Variants in ADARB2 observed in about 807,000 individuals in gnomAD.
ADARB2 encodes the protein adenosine deaminase RNA specific B2 (inactive).
A neutral mutation model predicts 62.2 loss-of-function variants in ADARB2; 25 were observed. That is an observed-to-expected ratio of 0.40 (90% CI 0.29 to 0.56). The LOEUF (loss-of-function observed/expected upper bound fraction) is 0.56, where lower values mean the gene tolerates loss of function less well. Ranked by LOEUF, ADARB2 falls within the 20% of genes least tolerant of loss-of-function variation. ADARB2 has a pLI of 0.43. For missense variants in ADARB2, 1,071 were observed against 1,077.4 expected (o/e 0.99, Z 0.08); for synonymous variants, 572 against 500.8 (o/e 1.14, Z -1.90).
intron 1 of ADARB2, among the ~76,000 whole-genome samples, chr10:1,603,653 G>A (rs1425179086): frequency 4.0e-5 from 6 of 150,910 alleles, no homozygotes; most frequent in African/African-American, 1.2e-4. Flanking sequence ...TATGTACAGT[G>A]GTCATAAGTC....
intron 1 of ADARB2, among the ~76,000 whole-genome samples, chr10:1,445,453 C>G (rs1011905273): frequency 1.3e-5 from 2 of 151,210 alleles, no homozygotes; most frequent in African/African-American, 4.9e-5. Context: ...ATCCATCCAC[C>G]CACCCATCCA....
chr10:1,290,443 G>A (rs1831456045), intron 3 of ADARB2: 1 of 152,256 alleles, frequency 6.6e-6, no homozygotes, highest in Non-Finnish European at 1.5e-5. Flanking sequence ...CCACTGCACG[G>A]ATGAGACAAT....
chr10:1,268,779 G>T (rs979404514), intron 4 of ADARB2, among the ~76,000 whole-genome samples: 1 of 152,218 alleles, frequency 6.6e-6, no homozygotes, highest in African/African-American at 2.4e-5. Flanking sequence ...TCACTAATTA[G>T]TGAAGCTCTA....
chr10:1,410,879 C>T (rs1832753665), intron 1 of ADARB2, among the ~76,000 whole-genome samples: 1 of 152,214 alleles, frequency 6.6e-6, no homozygotes, highest in African/African-American at 2.4e-5. Context: ...GCTGTTTCAG[C>T]TGCCCGGATG....
intron 1 of ADARB2, among the ~76,000 whole-genome samples, chr10:1,647,680 A>G (rs1336082531): frequency 6.6e-6 from 1 of 151,900 alleles, no homozygotes; most frequent in Non-Finnish European, 1.5e-5. Flanking sequence ...ATGTGTGTAT[A>G]CATGTGTGTA....
intron 1 of ADARB2, among the ~76,000 whole-genome samples, chr10:1,425,315 T>C (rs1252034806): frequency 1.3e-5 from 2 of 152,220 alleles, no homozygotes; most frequent in African/African-American, 4.8e-5. Flanking sequence ...TACTTTACGC[T>C]GAATGGCATT....
At chr10:1,368,943 T>C (rs57522915) in intron 2 of ADARB2, among the ~76,000 whole-genome samples, 923 of 17,348 alleles carry the variant, frequency 0.053, no homozygotes, top group South Asian at 0.17. Flanking sequence ...GTCGTGGGGC[T>C]GGGCTGGGTG....
intron 6 of ADARB2, among the ~76,000 whole-genome samples, chr10:1,225,719 A>C (rs1269590819): frequency 6.9e-6 from 1 of 143,918 alleles, no homozygotes; most frequent in Non-Finnish European, 1.6e-5. Flanking sequence ...TCTTTTCTTT[A>C]AGAATGTCGA....
At chr10:1,627,736 C>T (rs1833788813) in intron 1 of ADARB2, among the ~76,000 whole-genome samples, 1 of 152,218 alleles carries the variant, frequency 6.6e-6, no homozygotes, top group South Asian at 2.1e-4. Context: ...CAGCAGCTGT[C>T]TGTACTGCTC....
chr10:1,374,397 G>C (rs1832403364), intron 2 of ADARB2, among the ~76,000 whole-genome samples: 1 of 152,208 alleles, frequency 6.6e-6, no homozygotes, highest in Non-Finnish European at 1.5e-5. Flanking sequence ...GTTTGATACG[G>C]TGTCCGGAAT....
chr10:1,699,506 A>G (rs1197192651), intron 1 of ADARB2, among the ~76,000 whole-genome samples: 12 of 71,456 alleles, frequency 1.7e-4, no homozygotes, highest in African/African-American at 6.3e-4. Context: ...ACGCAATCCC[A>G]CTCCACCGGG....
At chr10:1,605,374 T>C (rs574708866) in intron 1 of ADARB2, among the ~76,000 whole-genome samples, 1 of 152,364 alleles carries the variant, frequency 6.6e-6, no homozygotes, top group South Asian at 2.1e-4. Flanking sequence ...TCAGAGGCAT[T>C]GCCCAGGGAG....
Position 1,368,671 on chromosome 10 carries a change from G to T in ADARB2, c.188-4754C>A, listed in dbSNP as rs193134189. On this transcript the variant is annotated intron_variant, in intron 2 of 9. Coordinates refer to ENST00000381312, the MANE Select transcript of ADARB2 (RefSeq NM_018702.4). ...AAAGCCTCCTCTCTCTCTCTGGTTG[G>T]CAAGGCAAGAATTCGTTCTCACAAA... Among the ~76,000 whole-genome samples, 64 of 152,304 alleles carry T rather than the reference G, an allele frequency of 4.2e-4. 1 individual carries two copies. Among genetic ancestry groups the T allele is most frequent in the Middle Eastern group, 6.8e-3 (2 of 294 alleles).
intron 1 of ADARB2, among the ~76,000 whole-genome samples, chr10:1,590,696 A>G (rs1254047947): frequency 6.6e-6 from 1 of 152,226 alleles, no homozygotes; most frequent in African/African-American, 2.4e-5. Flanking sequence ...TTGGTAGCAT[A>G]GTCAAACTCA....
chr10:1,461,318 C>A (rs1004445965), intron 1 of ADARB2, among the ~76,000 whole-genome samples: 1 of 152,162 alleles, frequency 6.6e-6, no homozygotes. Context: ...CATCAGAACA[C>A]GTGTACTTGT....
At chr10:1,275,209 G>C (rs2131801469) in intron 3 of ADARB2, among the ~76,000 whole-genome samples, 1 of 152,382 alleles carries the variant, frequency 6.6e-6, no homozygotes, top group Non-Finnish European at 1.5e-5. Flanking sequence ...ATGGCCAGCA[G>C]ATGCCAGGTG....
intron 1 of ADARB2, among the ~76,000 whole-genome samples, chr10:1,430,743 A>T (rs1380876272): frequency 6.6e-6 from 1 of 152,162 alleles, no homozygotes; most frequent in African/African-American, 2.4e-5. Flanking sequence ...CCGTCTCAAA[A>T]AAAAAAAATC....
At chr10:1,645,803 C>G (rs985724705) in intron 1 of ADARB2, among the ~76,000 whole-genome samples, 1 of 152,212 alleles carries the variant, frequency 6.6e-6, no homozygotes, top group African/African-American at 2.4e-5. Flanking sequence ...AACGCCTATA[C>G]TCCAATGCTT....
At chr10:1,188,273 T>C (rs186313401) in intron 8 of ADARB2, 1 of 152,388 alleles carries the variant, frequency 6.6e-6, no homozygotes, top group African/African-American at 2.4e-5. Flanking sequence ...GAAGGAGGAT[T>C]TGAAGGCCAA....
Sources: allele counts gnomAD v4.1 joint callset (sites outside exome capture counted in the v4.1 genomes callset), GRCh38; gene constraint gnomAD v4.1.1; transcripts MANE v1.5; gene names NCBI Gene and HGNC (gene_info 2026-07-23, HGNC 2026-07-21).